Variants in CCDC181 observed in about 807,000 individuals in gnomAD.
CCDC181 encodes coiled-coil domain-containing protein 181.
CCDC181 carries 35 observed loss-of-function variants against 58.7 expected under a neutral mutation model. The observed-to-expected ratio is 0.60, with a 90% CI of 0.46 to 0.79. The LOEUF is 0.79. Ranked by LOEUF, CCDC181 falls within the 30% of genes least tolerant of loss-of-function variation. The pLI is 0.00. For missense variants in CCDC181, 517 were observed against 583.9 expected (o/e 0.89, Z 1.18); for synonymous variants, 183 against 197.5 (o/e 0.93, Z 0.62).
At chr1:169,456,467 C>T (rs1466484868) in intron 2 of CCDC181, among the ~76,000 whole-genome samples, 1 of 152,130 alleles carries the variant, frequency 6.6e-6, no homozygotes, top group Non-Finnish European at 1.5e-5. Flanking sequence ...GCTGTGGTTT[C>T]AATGTTCCCT....
chr1:169,399,123 G>C (rs550006087), intron 4 of CCDC181, among the ~76,000 whole-genome samples: 2 of 152,302 alleles, frequency 1.3e-5, no homozygotes, highest in South Asian at 4.1e-4. Flanking sequence ...TTCATTTTGA[G>C]ATGAGAAGCC....
At chr1:169,445,365 G>A (rs1657346062) in intron 2 of CCDC181, among the ~76,000 whole-genome samples, 1 of 130,996 alleles carries the variant, frequency 7.6e-6, no homozygotes, top group South Asian at 2.4e-4. Context: ...ATTGGGTTTT[G>A]TCAAATGCTT....
At chr1:169,434,371 G>C (rs1192364727) in intron 2 of CCDC181, among the ~76,000 whole-genome samples, 2 of 151,936 alleles carry the variant, frequency 1.3e-5, no homozygotes, top group African/African-American at 4.8e-5. Context: ...AAAACAGTAT[G>C]GCAATTCCTC....
At chr1:169,434,106 A>G (rs1557876342) in intron 2 of CCDC181, among the ~76,000 whole-genome samples, 1 of 152,042 alleles carries the variant, frequency 6.6e-6, no homozygotes, top group Non-Finnish European at 1.5e-5. Context: ...AATTATAAAA[A>G]CAAACACTCC....
At chr1:169,423,877 C>G (rs1001782220) in intron 2 of CCDC181, among the ~76,000 whole-genome samples, 62 of 152,102 alleles carry the variant, frequency 4.1e-4, no homozygotes, top group African/African-American at 1.5e-3. Flanking sequence ...GACTCTGTTT[C>G]CATCTTCAAA....
chr1:169,407,392 G>GA (rs949795498), intron 4 of CCDC181, among the ~76,000 whole-genome samples: 5 of 149,876 alleles, frequency 3.3e-5, no homozygotes, highest in African/African-American at 4.9e-5. Context: ...CAAGTAAAAG[G>GA]AAAAAAAAAT....
At chr1:169,406,821 A>C (rs1273817074) in intron 4 of CCDC181, among the ~76,000 whole-genome samples, 1 of 150,032 alleles carries the variant, frequency 6.7e-6, no homozygotes, top group Non-Finnish European at 1.5e-5. Flanking sequence ...CCACAAAAAA[A>C]ATAAAAAAAA....
intron 4 of CCDC181, among the ~76,000 whole-genome samples, chr1:169,397,805 G>C (rs1485847862): frequency 6.6e-6 from 1 of 152,122 alleles, no homozygotes; most frequent in Admixed American, 6.5e-5. Context: ...TTATTTGGAG[G>C]AATAAAGGAG....
intron 3 of CCDC181, 90 bp downstream of exon 3, chr1:169,421,273 A>T (rs1656440151): frequency 9.9e-7 from 1 of 1,007,138 alleles, no homozygotes; most frequent in South Asian, 1.7e-5. Context: ...AAAGTCTCCA[A>T]TGGTTTGAAC....
At chr1:169,401,776 A>G (rs1655364704) in intron 4 of CCDC181, among the ~76,000 whole-genome samples, 1 of 152,246 alleles carries the variant, frequency 6.6e-6, no homozygotes, top group South Asian at 2.1e-4. Context: ...TTCCCCAGCA[A>G]TGGAACAAAG....
At chr1:169,446,466 A>C (rs1042939329) in intron 2 of CCDC181, among the ~76,000 whole-genome samples, 3 of 151,996 alleles carry the variant, frequency 2.0e-5, no homozygotes, top group Non-Finnish European at 4.4e-5. Context: ...TAAGTAAATA[A>C]ATTGCCCTTC....
chr1:169,439,203 C>A (rs1286624353), intron 2 of CCDC181, among the ~76,000 whole-genome samples: 1 of 151,990 alleles, frequency 6.6e-6, no homozygotes, highest in Non-Finnish European at 1.5e-5. Flanking sequence ...CATGGGGCTA[C>A]AAGACCAGTT....
At chr1:169,399,119 T>C (rs1246480425) in intron 4 of CCDC181, among the ~76,000 whole-genome samples, 4 of 152,188 alleles carry the variant, frequency 2.6e-5, no homozygotes, top group Admixed American at 2.6e-4. Flanking sequence ...GGATTTCATT[T>C]TGAGATGAGA....
intron 2 of CCDC181, among the ~76,000 whole-genome samples, chr1:169,434,281 A>G (rs746980777): frequency 6.6e-6 from 1 of 152,078 alleles, no homozygotes; most frequent in Non-Finnish European, 1.5e-5. Flanking sequence ...TTAAGACAAA[A>G]TAAATATTGG....
chr1:169,407,452 A>G (rs1166515262), intron 4 of CCDC181, among the ~76,000 whole-genome samples: 2 of 152,196 alleles, frequency 1.3e-5, no homozygotes, highest in East Asian at 3.8e-4. Flanking sequence ...ATTCAGAGCA[A>G]TGCCTTAAAA....
chr1:169,459,299 G>C (rs1657768664), intron 2 of CCDC181, among the ~76,000 whole-genome samples: 1 of 152,104 alleles, frequency 6.6e-6, no homozygotes, highest in South Asian at 2.1e-4. Context: ...ATTCCACACT[G>C]TGGATAACTC....
At position 169,421,490 on chromosome 1, in the gene CCDC181, T is replaced by C. The variant is rs1354742028; in HGVS notation, c.941A>G (p.Asn314Ser). The C allele has an allele frequency of 1.2e-6, 2 of 1,614,136 alleles. No individual in the cohort carries two copies. The highest frequency in any genetic ancestry group is 4.5e-5 in the East Asian group (2 of 44,888). Residue 314 changes from asparagine to serine, a missense_variant, in exon 3 of 6, where the codon AAT becomes AGT. Coordinates refer to ENST00000367806, the MANE Select transcript of CCDC181 (RefSeq NM_001300969.2). ...SAVNSDRSKG[N>S]GKSNHRTQSA... ...CTGTGTCCTGTGATTAGATTTCCCATTCCCTTTACTTCGATCTGAGTTGAC... is the reference window on the plus strand; with the variant it reads ...CTGTGTCCTGTGATTAGATTTCCCACTCCCTTTACTTCGATCTGAGTTGAC...
intron 2 of CCDC181, among the ~76,000 whole-genome samples, chr1:169,450,239 T>A (rs1657498916): frequency 6.6e-6 from 1 of 152,176 alleles, no homozygotes; most frequent in African/African-American, 2.4e-5. Flanking sequence ...TGATAATGTA[T>A]TTTTCCCTGG....
At position 169,421,820 on chromosome 1, in the gene CCDC181, AG is replaced by A. The variant is rs866846604; in HGVS notation, c.610del (p.Thr205LeufsTer15). 6.2e-7 allele frequency: 1 copy of A among 1,613,928 alleles called. No individual in the cohort carries two copies. The highest frequency in any genetic ancestry group is 8.5e-7 in the Non-Finnish European group (1 of 1,179,996). On this transcript the variant is annotated frameshift_variant, in exon 3 of 6. Transcript: ENST00000367806. LOFTEE classifies it high-confidence loss of function. ...GTTTTCTTCACAGCTTCCATTAGTA[AG>A]TGACAGGAGCACATCTTCTTGTCCA... ...DFGQEDVLLS[L>X]TNGSCEENKD...
Sources: gnomAD v4.1 joint callset for allele counts (sites outside exome capture counted in the v4.1 genomes callset) on GRCh38, gnomAD v4.1.1 for gene constraint, MANE v1.5 for transcripts, NCBI Gene and HGNC (gene_info 2026-07-23, HGNC 2026-07-21) for gene names.